The following VLDLR variants were observed in gnomAD, a reference collection of about 807,000 sequenced individuals.
The protein encoded by VLDLR is very low-density lipoprotein receptor.
In VLDLR, 81 loss-of-function variants were observed where a neutral mutation model predicts 112.7. The ratio of observed to expected loss-of-function variants is 0.72; its 90% CI spans 0.60 to 0.86. VLDLR has a LOEUF of 0.86. Among genes scored for constraint, VLDLR ranks in the 40% least tolerant of loss-of-function variants. VLDLR has a pLI of 0.00. For synonymous variants in VLDLR, 436 were observed against 384.8 expected (o/e 1.13, Z -1.56); for missense variants, 1,237 against 1,099.4 (o/e 1.13, Z -1.77).
At position 2,646,353 on chromosome 9, in the gene VLDLR, G is replaced by A. The variant is rs1374276116; in HGVS notation, c.1504G>A (p.Val502Ile). ...AIFSASIDDKVGRHVKMIDNV... is the reference protein window; with the variant it reads ...AIFSASIDDKIGRHVKMIDNV... ...TTTCAGTGCCTCAATTGATGACAAG[G>A]TTGGTAGACATGTTAAAATGATCGA... Residue 502 changes from valine (V) to isoleucine (I), a missense_variant, in exon 11 of 19, where the codon GTT becomes ATT. By Grantham distance (29) the Val-to-Ile change is conservative. Coordinates refer to ENST00000382100, the MANE Select transcript of VLDLR (RefSeq NM_003383.5). 1 of 1,613,998 alleles carries A rather than the reference G, an allele frequency of 6.2e-7. No homozygotes were observed.
chr9:2,637,590 C>G (rs1817646033), intron 2 of VLDLR, among the ~76,000 whole-genome samples: 1 of 152,142 alleles, frequency 6.6e-6, no homozygotes, highest in Non-Finnish European at 1.5e-5. Context: ...TTATCTTTTG[C>G]TCAAACACTG....
chr9:2,646,654 C>G, intron 11 of VLDLR, 102 bp downstream of exon 11: 1 of 1,115,408 alleles, frequency 9.0e-7, no homozygotes, highest in Non-Finnish European at 1.3e-6. Flanking sequence ...GTTTATGAGC[C>G]TTCTGCAACA....
chr9:2,631,021 C>G (rs187279729), intron 1 of VLDLR, among the ~76,000 whole-genome samples: 39 of 152,242 alleles, frequency 2.6e-4, no homozygotes, highest in African/African-American at 8.9e-4. Context: ...ATAGACATTT[C>G]TCAAAAGAGG....
chr9:2,645,603 C>G lies in VLDLR; in HGVS notation c.1342C>G (p.Arg448Gly). 6.2e-7 allele frequency: 1 copy of G among 1,614,184 alleles called. No individual in the cohort carries two copies. Residue 448 changes from arginine (R) to glycine (G), a missense_variant, in exon 10 of 19, where the codon CGA (arginine) becomes GGA (glycine). Physicochemically the swap from Arg to Gly is moderately radical, Grantham distance 125. Transcript: ENST00000382100. ...GKEPSLIFTNRRDIRKIGLER... is the reference protein window; with the variant it reads ...GKEPSLIFTNGRDIRKIGLER... ...AGAGCCAAGTCTGATCTTCACTAATCGAAGAGACATCAGGAAGATTGGCTT... is the reference window on the plus strand; with the variant it reads ...AGAGCCAAGTCTGATCTTCACTAATGGAAGAGACATCAGGAAGATTGGCTT...
At chr9:2,634,288 T>C (rs1817502535) in intron 1 of VLDLR, among the ~76,000 whole-genome samples, 1 of 152,216 alleles carries the variant, frequency 6.6e-6, no homozygotes, top group Non-Finnish European at 1.5e-5. Flanking sequence ...TGCTTGTCTC[T>C]GTAATATCAG....
chr9:2,643,099 C>G (rs1817893949), intron 4 of VLDLR, 61 bp from the exon 5 acceptor site: 2 of 1,597,844 alleles, frequency 1.3e-6, no homozygotes, highest in African/African-American at 1.3e-5. Context: ...GATTTTGGGA[C>G]AAGAATCTTG....
chr9:2,658,436 G>A lies in VLDLR; in HGVS notation c.*4568G>A, dbSNP rs931424288. On this transcript the variant is annotated 3_prime_UTR_variant, in exon 19 of 19. Coordinates refer to ENST00000382100, the MANE Select transcript of VLDLR (RefSeq NM_003383.5). ...GACAGGAGTGAGACCAGCTGCGGGT[G>A]GGGAGTTTGTGCTCCGCAGGTTACC... 6.6e-6 allele frequency: 1 copy of A among 152,174 alleles called. No homozygotes were observed. 9.4% of individuals were successfully genotyped at this position (152,174 alleles called of 1,614,324 possible). A position where few individuals can be genotyped will look rare whatever the true frequency, so the allele number is the denominator to read the frequency against.
At position 2,647,552 on chromosome 9, in the gene VLDLR, G is replaced by A. The variant is rs376819187; in HGVS notation, c.1782G>A (p.Leu594=). The A allele has an allele frequency of 5.0e-6, 8 of 1,614,164 alleles. No homozygotes were observed. The highest frequency in any genetic ancestry group is 1.1e-5 in the South Asian group (1 of 91,086). ...TGAATGGATTCGATAGACGTCCACT[G>A]GTGACAGCGGATATCCAGTGGCCTA... ...AGMNGFDRRP[L]VTADIQWPNG... is the part of the protein sequence containing the mutation. The change falls in exon 12 of 19, where the codon CTG becomes CTA. Residue 594 remains leucine, a synonymous_variant. Coordinates refer to ENST00000382100, the MANE Select transcript of VLDLR (RefSeq NM_003383.5).
intron 13 of VLDLR, 46 bp from the exon 14 acceptor site, chr9:2,648,623 T>A (rs1232862331): frequency 6.2e-7 from 1 of 1,614,020 alleles, no homozygotes. Flanking sequence ...GAAATGGACT[T>A]GTGTTAATCC....
intron 1 of VLDLR, among the ~76,000 whole-genome samples, chr9:2,623,654 G>A (rs964181325): frequency 1.3e-5 from 2 of 152,322 alleles, no homozygotes; most frequent in South Asian, 2.1e-4. Flanking sequence ...TTAGCGGTGC[G>A]ATCACGTTTA....
intron 1 of VLDLR, among the ~76,000 whole-genome samples, chr9:2,624,459 A>G (rs1224507420): frequency 5.3e-5 from 8 of 152,226 alleles, no homozygotes; most frequent in African/African-American, 1.9e-4. Flanking sequence ...AAGGAACTTA[A>G]GGCTAACAAG....
intron 1 of VLDLR, among the ~76,000 whole-genome samples, chr9:2,630,755 G>A (rs1289507539): frequency 3.9e-5 from 6 of 152,194 alleles, no homozygotes; most frequent in Admixed American, 1.3e-4. Flanking sequence ...TTCCCTCTAG[G>A]ACATTGGTCT....
Position 2,651,928 on chromosome 9 carries a change from C to T in VLDLR, c.2390C>T (p.Ser797Phe). The change falls in exon 17 of 19, where the codon TCT (serine) becomes TTT (phenylalanine). Residue 797 changes from serine (S) to phenylalanine (F), a missense_variant. Transcript: ENST00000382100. ...SEVSVPPKGT[S>F]AAWAILPLLL... ...GTCAGTGTTCCCCCAAAAGGGACTT[C>T]TGCCGCATGGGCCATTCTTCCTCTC... 6.2e-7 allele frequency: 1 copy of T among 1,614,114 alleles called. No individual in the cohort carries two copies. Among genetic ancestry groups the T allele is most frequent in the South Asian group, 1.1e-5 (1 of 91,084 alleles).
At chr9:2,635,620 T>C in intron 2 of VLDLR, 48 bp downstream of exon 2, 3 of 1,612,810 alleles carry the variant, frequency 1.9e-6, no homozygotes, top group Non-Finnish European at 2.5e-6. Context: ...AATATGATGT[T>C]ATCTTAGTCT....
intron 2 of VLDLR, among the ~76,000 whole-genome samples, chr9:2,637,182 A>C (rs889396085): frequency 6.6e-6 from 1 of 152,216 alleles, no homozygotes; most frequent in Non-Finnish European, 1.5e-5. Context: ...CTGAGTGCTT[A>C]CTTTGTTTCT....
At chr9:2,632,625 G>T (rs1377928330) in intron 1 of VLDLR, among the ~76,000 whole-genome samples, 2 of 152,194 alleles carry the variant, frequency 1.3e-5, no homozygotes, top group African/African-American at 4.8e-5. Context: ...GGTGCTTTCA[G>T]TTCTCCTAGA....
Position 2,644,793 on chromosome 9 carries a change from AT to A in VLDLR, c.1127del (p.Ile376LysfsTer13). 1 of 1,614,236 alleles carries A rather than the reference AT, an allele frequency of 6.2e-7. No individual in the cohort carries two copies. The highest frequency in any genetic ancestry group is 8.5e-7 in the Non-Finnish European group (1 of 1,180,046). On this transcript the variant is annotated frameshift_variant, in exon 8 of 19. Coordinates refer to ENST00000382100, the MANE Select transcript of VLDLR (RefSeq NM_003383.5). LOFTEE classifies it high-confidence loss of function. ...GCSHICKDLVIGYECDCAAGF... is the reference protein window; with the variant it reads ...GCSHICKDLVXGYECDCAAGF... ...TTCTCATATCTGCAAAGACCTAGTT[AT>A]AGGCTACGAGTGTGACTGTGCAGCT...
At chr9:2,646,121 G>A (rs896964272) in intron 10 of VLDLR, among the ~76,000 whole-genome samples, 2 of 151,688 alleles carry the variant, frequency 1.3e-5, no homozygotes, top group African/African-American at 4.8e-5. Flanking sequence ...TGTTGTTCTT[G>A]TATATAGAAT....
intron 1 of VLDLR, among the ~76,000 whole-genome samples, chr9:2,622,986 G>T (rs1310687042): frequency 6.6e-6 from 1 of 152,224 alleles, no homozygotes; most frequent in Non-Finnish European, 1.5e-5. Context: ...GAAACCGCTC[G>T]GGTCTCCCGT....
Sources: gnomAD v4.1 joint callset for allele counts (sites outside exome capture counted in the v4.1 genomes callset) on GRCh38, gnomAD v4.1.1 for gene constraint, MANE v1.5 for transcripts, NCBI Gene and HGNC (gene_info 2026-07-23, HGNC 2026-07-21) for gene names.